Variants in MAF observed in about 807,000 individuals in gnomAD.
The protein encoded by MAF is transcription factor Maf.
A neutral mutation model predicts 22.0 loss-of-function variants in MAF; 10 were observed. The ratio of observed to expected loss-of-function variants is 0.45; its 90% confidence interval spans 0.28 to 0.77. The LOEUF (loss-of-function observed/expected upper bound fraction) is 0.77. Ranked by LOEUF, MAF falls within the 30% of genes least tolerant of loss-of-function variation. The pLI, the probability that MAF is intolerant of heterozygous loss-of-function variation, is 0.12. For missense variants in MAF, 544 were observed against 548.4 expected (o/e 0.99, Z 0.08); for synonymous variants, 337 against 255.8 (o/e 1.32, Z -3.03).
chr16:79,565,782 G>A, the MAF span, among the ~76,000 whole-genome samples: 1 of 152,166 alleles, frequency 6.6e-6, no homozygotes, highest in Non-Finnish European at 1.5e-5. Context: ...TATAAGAATG[G>A]ACTGATAAAC....
the MAF span, among the ~76,000 whole-genome samples, chr16:79,416,336 A>C: frequency 6.6e-6 from 1 of 152,128 alleles, no homozygotes; most frequent in Non-Finnish European, 1.5e-5. Flanking sequence ...TCTCTGTGAC[A>C]AGCTCCATGT....
chr16:79,502,824 A>T, the MAF span, among the ~76,000 whole-genome samples: 1 of 147,344 alleles, frequency 6.8e-6, no homozygotes, highest in East Asian at 2.0e-4. Flanking sequence ...AAAAAAACCC[A>T]AGGGAACTCT....
chr16:79,395,504 G>A, the MAF span, among the ~76,000 whole-genome samples: 2 of 152,128 alleles, frequency 1.3e-5, no homozygotes, highest in African/African-American at 4.8e-5. Flanking sequence ...CAACACAGAA[G>A]TCATGATAAG....
the MAF span, among the ~76,000 whole-genome samples, chr16:79,543,773 G>A: frequency 1.3e-5 from 2 of 148,274 alleles, no homozygotes; most frequent in East Asian, 2.1e-4. Flanking sequence ...TGCAAGCTCC[G>A]CCTCCGGGGT....
chr16:79,363,602 T>A, the MAF span, among the ~76,000 whole-genome samples: 1 of 152,206 alleles, frequency 6.6e-6, no homozygotes, highest in Admixed American at 6.5e-5. Context: ...AAAGTTGAAA[T>A]ATTAAGTCAA....
At chr16:79,450,626 G>A in the MAF span, among the ~76,000 whole-genome samples, 1 of 152,166 alleles carries the variant, frequency 6.6e-6, no homozygotes, top group African/African-American at 2.4e-5. Context: ...GCTGTTCTGT[G>A]AGAAAATGTG....
the MAF span, among the ~76,000 whole-genome samples, chr16:79,317,487 C>T: frequency 6.8e-6 from 1 of 147,206 alleles, no homozygotes; most frequent in Non-Finnish European, 1.5e-5. Flanking sequence ...CTCTCCCTCC[C>T]TCCGTTCTCC....
At chr16:79,544,064 G>C in the MAF span, among the ~76,000 whole-genome samples, 2 of 152,066 alleles carry the variant, frequency 1.3e-5, no homozygotes, top group Admixed American at 1.3e-4. Context: ...GACTAAAAAC[G>C]GGAAAATGTT....
the MAF span, among the ~76,000 whole-genome samples, chr16:79,390,425 T>A: frequency 6.0e-4 from 91 of 152,340 alleles, no homozygotes; most frequent in African/African-American, 1.9e-3. Context: ...ATGCCACCTT[T>A]GGTTATTAAC....
the MAF span, among the ~76,000 whole-genome samples, chr16:79,441,957 A>G: frequency 6.6e-6 from 1 of 152,228 alleles, no homozygotes; most frequent in Non-Finnish European, 1.5e-5. Flanking sequence ...GCACAGAGCA[A>G]AAGGTCATGT....
the MAF span, among the ~76,000 whole-genome samples, chr16:79,528,490 C>A: frequency 0.093 from 14,193 of 152,108 alleles, 851 homozygotes; most frequent in South Asian, 0.16. Flanking sequence ...AAAAACTGAG[C>A]AAGGCATGGC....
intron 1 of MAF, chr16:79,597,959 A>G (rs1170477766): frequency 4.0e-5 from 42 of 1,044,774 alleles, no homozygotes; most frequent in Non-Finnish European, 4.3e-5. Flanking sequence ...TCACAAGGCC[A>G]AAACTCACAA....
the MAF span, among the ~76,000 whole-genome samples, chr16:79,523,536 G>C: frequency 4.6e-5 from 7 of 152,190 alleles, no homozygotes; most frequent in Non-Finnish European, 8.8e-5. Context: ...CAGACACTTT[G>C]CTGAGTGATA....
the MAF span, chr16:79,264,581 T>A: frequency 1.3e-5 from 2 of 152,236 alleles, no homozygotes; most frequent in Non-Finnish European, 2.9e-5. Flanking sequence ...ACCCCAACAG[T>A]TGAGCTCTAT....
the MAF span, among the ~76,000 whole-genome samples, chr16:79,445,214 T>TA: frequency 6.6e-6 from 1 of 151,422 alleles, no homozygotes; most frequent in African/African-American, 2.4e-5. Context: ...TTTGTATTTT[T>TA]TTTTTTTTTT....
chr16:79,491,783 T>C, the MAF span, among the ~76,000 whole-genome samples: 14 of 152,238 alleles, frequency 9.2e-5, no homozygotes, highest in Admixed American at 2.0e-4. Flanking sequence ...AGCCTTGGGA[T>C]AGCACTGGCT....
chr16:79,502,468 C>T, the MAF span, among the ~76,000 whole-genome samples: 1 of 151,810 alleles, frequency 6.6e-6, no homozygotes, highest in African/African-American at 2.4e-5. Flanking sequence ...AAATTCGAGA[C>T]CACTCTGGGC....
chr16:79,398,199 CCT>C, the MAF span, among the ~76,000 whole-genome samples: 3 of 152,104 alleles, frequency 2.0e-5, no homozygotes, highest in South Asian at 2.1e-4. Context: ...TGCCACATCT[CCT>C]CTCTCTTTGA....
the MAF span, among the ~76,000 whole-genome samples, chr16:79,441,296 G>A: frequency 7.2e-5 from 11 of 152,192 alleles, no homozygotes; most frequent in Non-Finnish European, 7.3e-5. Flanking sequence ...CAAAGGAGAC[G>A]TGTTTTCCTG....
Sources: allele counts gnomAD v4.1 joint callset (sites outside exome capture counted in the v4.1 genomes callset), GRCh38; gene constraint gnomAD v4.1.1; transcripts MANE v1.5; gene names NCBI Gene and HGNC (gene_info 2026-07-23, HGNC 2026-07-21).